ALOX5: variants seen among roughly 807,000 people sequenced by gnomAD.
ALOX5 encodes polyunsaturated fatty acid 5-lipoxygenase.
A neutral mutation model predicts 87.9 loss-of-function variants in ALOX5; 64 were observed. The observed-to-expected ratio is 0.73, with a 90% CI of 0.60 to 0.90. The LOEUF is 0.90. Among genes scored for constraint, ALOX5 ranks in the 40% least tolerant of loss-of-function variants. The pLI is 0.00. For synonymous variants in ALOX5, 388 were observed against 355.1 expected, an observed-to-expected ratio of 1.09 and a Z score of -1.04; for missense variants, 822 against 907.5, an observed-to-expected ratio of 0.91 and a Z score of 1.21.
intron 4 of ALOX5, among the ~76,000 whole-genome samples, chr10:45,413,702 T>C (rs1299302216): frequency 1.3e-5 from 2 of 152,230 alleles, no homozygotes; most frequent in Non-Finnish European, 2.9e-5. Flanking sequence ...CCCCATCGTC[T>C]CAGCCCAAAA....
intron 2 of ALOX5, among the ~76,000 whole-genome samples, chr10:45,390,001 T>C (rs180852101): frequency 1.3e-5 from 2 of 152,238 alleles, no homozygotes; most frequent in East Asian, 3.9e-4. Context: ...TGGAGGAAGA[T>C]CTACCAAGCA....
At chr10:45,394,525 C>T (rs1840426113) in intron 2 of ALOX5, among the ~76,000 whole-genome samples, 1 of 152,150 alleles carries the variant, frequency 6.6e-6, no homozygotes, top group East Asian at 1.9e-4. Context: ...TAGGCAATAC[C>T]ATTCAGGACA....
chr10:45,405,201 G>C (rs576488717), intron 3 of ALOX5, among the ~76,000 whole-genome samples: 6 of 152,330 alleles, frequency 3.9e-5, no homozygotes, highest in African/African-American at 1.4e-4. Flanking sequence ...CCAGAACTCA[G>C]ATTGCTGGAA....
chr10:45,377,697 A>T (rs1839673392), intron 1 of ALOX5, among the ~76,000 whole-genome samples: 1 of 151,748 alleles, frequency 6.6e-6, no homozygotes, highest in South Asian at 2.1e-4. Context: ...GCCCCTCATT[A>T]GTCCCCCTCC....
Position 45,443,449 on chromosome 10 carries a change from G to A in ALOX5, c.1485G>A (p.Glu495=), listed in dbSNP as rs756915145. The A allele has an allele frequency of 4.3e-5, 69 of 1,611,224 alleles. No homozygotes were observed. The highest frequency in any genetic ancestry group is 5.6e-5 in the Non-Finnish European group (66 of 1,178,894). ...FTAEVVDIYY[E]GDQVVEEDPE... ...CCGAGGTGGTAGACATCTACTACGA[G>A]GGCGACCAGGTGGTGGAGGAGGACC... Residue 495 remains glutamate, a synonymous_variant, in exon 11 of 14, where the codon GAG becomes GAA. Coordinates refer to ENST00000374391, the MANE Select transcript of ALOX5 (RefSeq NM_000698.5).
At chr10:45,439,385 A>G (rs1239163405) in intron 7 of ALOX5, among the ~76,000 whole-genome samples, 1 of 152,170 alleles carries the variant, frequency 6.6e-6, no homozygotes. Context: ...GGTCTTTCCC[A>G]GCACCTAAAG....
intron 1 of ALOX5, among the ~76,000 whole-genome samples, chr10:45,381,054 C>G (rs947288228): frequency 6.6e-6 from 1 of 152,260 alleles, no homozygotes; most frequent in African/African-American, 2.4e-5. Flanking sequence ...TTCCTGTCTG[C>G]CATCCATTGC....
Position 45,395,907 on chromosome 10 carries a change from A to G in ALOX5, c.402A>G (p.Lys134=), listed in dbSNP as rs1030535662. The G allele has an allele frequency of 6.2e-7, 1 of 1,614,138 alleles. No individual in the cohort carries two copies. Among genetic ancestry groups the G allele is most frequent in the Non-Finnish European group, 8.5e-7 (1 of 1,180,052 alleles). ...ACATTCTCAAGCAACACCGACGTAA[A>G]GAACTGGAAACACGGCAAAAACAAT... The part of the protein sequence containing the change: ...QIHILKQHRR[K]ELETRQKQYR... The change falls in exon 3 of 14, where the codon AAA becomes AAG. Residue 134 remains lysine (K), a synonymous_variant. Transcript: ENST00000374391.
In ALOX5 at chr10:45,443,467, G is replaced by A. The variant is rs768682288; in HGVS notation, c.1503G>A (p.Glu501=). 6 of 1,612,832 alleles carry A rather than the reference G, an allele frequency of 3.7e-6. No individual in the cohort carries two copies. The highest frequency in any genetic ancestry group is 4.2e-6 in the Non-Finnish European group (5 of 1,179,462). ...ACTACGAGGGCGACCAGGTGGTGGA[G>A]GAGGACCCGGAGCTGCAGGACTTCG... ...DIYYEGDQVV[E]EDPELQDFVN... Residue 501 remains glutamate, a synonymous_variant, in exon 11 of 14, where the codon GAG becomes GAA. Coordinates refer to ENST00000374391, the MANE Select transcript of ALOX5 (RefSeq NM_000698.5).
intron 4 of ALOX5, among the ~76,000 whole-genome samples, chr10:45,422,486 G>A (rs1385677427): frequency 3.9e-5 from 6 of 152,170 alleles, no homozygotes; most frequent in Non-Finnish European, 8.8e-5. Flanking sequence ...GGAGTGCCCC[G>A]GGCACAGTCC....
rs187760040 is a variant in ALOX5, at chr10:45,396,403, A to T, written c.431+467A>T. Among the ~76,000 whole-genome samples, 19 of 152,352 alleles carry T rather than the reference A, an allele frequency of 1.2e-4. No homozygotes were observed. The East Asian group carries it at 2.7e-3, about 22-fold the overall frequency. Reference sequence around the variant, plus strand: ...ATAAAAAAGGAAAAATGAGACTCATAAAATGAGGGAAAATCAATACAGAAA... The same window carrying T: ...ATAAAAAAGGAAAAATGAGACTCATTAAATGAGGGAAAATCAATACAGAAA... On this transcript the variant is annotated intron_variant, in intron 3 of 13. Coordinates refer to ENST00000374391, the MANE Select transcript of ALOX5 (RefSeq NM_000698.5).
At chr10:45,416,526 C>T (rs1236181878) in intron 4 of ALOX5, among the ~76,000 whole-genome samples, 1 of 152,110 alleles carries the variant, frequency 6.6e-6, no homozygotes, top group Non-Finnish European at 1.5e-5. Context: ...AGGTCCCAGA[C>T]CAGGATGGGA....
intron 11 of ALOX5, 72 bp from the exon 12 acceptor site, chr10:45,443,655 CG>C (rs1409302059): frequency 6.3e-7 from 1 of 1,589,758 alleles, no homozygotes; most frequent in Non-Finnish European, 8.6e-7. Context: ...GCAGGGAATC[CG>C]GGCACGGGGT....
At chr10:45,412,454 C>A (rs2132762085) in intron 4 of ALOX5, 141 bp downstream of exon 4, 2 of 1,160,458 alleles carry the variant, frequency 1.7e-6, no homozygotes, top group Non-Finnish European at 2.4e-6. Flanking sequence ...GATATGTTGG[C>A]CATAGAGTGG....
At chr10:45,438,586 C>T (rs1842128505) in intron 7 of ALOX5, among the ~76,000 whole-genome samples, 2 of 152,264 alleles carry the variant, frequency 1.3e-5, no homozygotes, top group South Asian at 2.1e-4. Flanking sequence ...GAAAGTGTCT[C>T]AGAGCATGCC....
At chr10:45,407,378 G>C (rs547183330) in intron 3 of ALOX5, among the ~76,000 whole-genome samples, 1 of 149,368 alleles carries the variant, frequency 6.7e-6, no homozygotes, top group Admixed American at 6.6e-5. Flanking sequence ...ATATACCTAG[G>C]TGTATCTTTT....
At chr10:45,396,741 C>T (rs537744862) in intron 3 of ALOX5, among the ~76,000 whole-genome samples, 6 of 152,144 alleles carry the variant, frequency 3.9e-5, no homozygotes, top group Non-Finnish European at 7.4e-5. Context: ...CCATATTATA[C>T]CAAAACTAAA....
intron 6 of ALOX5, among the ~76,000 whole-genome samples, chr10:45,426,586 G>C (rs149047975): frequency 0.013 from 1,955 of 152,318 alleles, 160 homozygotes; most frequent in Admixed American, 0.12. Flanking sequence ...CCTGTTGTTG[G>C]TATTGATTCA....
intron 4 of ALOX5, among the ~76,000 whole-genome samples, chr10:45,415,194 A>G (rs954844053): frequency 2.6e-5 from 4 of 152,372 alleles, no homozygotes; most frequent in African/African-American, 9.6e-5. Context: ...CCAAATGTCC[A>G]TCACCGATAG....
Sources: allele counts gnomAD v4.1 joint callset (sites outside exome capture counted in the v4.1 genomes callset), GRCh38; gene constraint gnomAD v4.1.1; transcripts MANE v1.5; gene names NCBI Gene and HGNC (gene_info 2026-07-23, HGNC 2026-07-21).